Variants in TNIP1 observed in about 807,000 individuals in gnomAD.
TNIP1 encodes the protein TNFAIP3-interacting protein 1.
TNIP1 carries 22 observed loss-of-function variants against 86.6 expected under a neutral mutation model. The ratio of observed to expected loss-of-function variants is 0.25; its 90% CI spans 0.18 to 0.36. The LOEUF is 0.36. Among genes scored for constraint, TNIP1 ranks in the 10% least tolerant of loss-of-function variants. The pLI is 1.00. For missense variants in TNIP1, 709 were observed against 820.6 expected (o/e 0.86, Z 1.66); for synonymous variants, 294 against 313.0 (o/e 0.94, Z 0.64).
chr5:151,062,344 T>G (rs1026694697), intron 3 of TNIP1, 132 bp from the exon 4 acceptor site: 1 of 803,904 alleles, frequency 1.2e-6, no homozygotes, highest in Non-Finnish European at 2.1e-6. Flanking sequence ...GAATGGGAGG[T>G]GGTCTCATCA....
At chr5:151,086,628 CAGAA>C (rs1251580482) in intron 1 of TNIP1, among the ~76,000 whole-genome samples, 7 of 152,212 alleles carry the variant, frequency 4.6e-5, no homozygotes, top group Admixed American at 6.5e-5. Flanking sequence ...TACACCCACA[CAGAA>C]AGACACATAC....
At chr5:151,050,666 T>C (rs1245457266) in intron 7 of TNIP1, among the ~76,000 whole-genome samples, 3 of 152,094 alleles carry the variant, frequency 2.0e-5, no homozygotes, top group African/African-American at 7.2e-5. Context: ...TAGGGTCTCG[T>C]TCTGTCACCC....
chr5:151,064,457 C>T (rs1468300543), intron 2 of TNIP1, among the ~76,000 whole-genome samples: 4 of 152,226 alleles, frequency 2.6e-5, no homozygotes, highest in East Asian at 1.9e-4. Flanking sequence ...CAGGGCCCGT[C>T]GGTCGTGTGG....
rs1367566202 is a variant in TNIP1, at chr5:151,030,121, G to A, written c.*592C>T. ...GCCCCTCGGCGGACGTGGCTGGCAT[G>A]GCCTTCTCCCATCTGTGATGGCTTC... is the stretch of plus-strand genomic sequence containing the variant. On this transcript the variant is annotated 3_prime_UTR_variant, in exon 18 of 18. Transcript: ENST00000521591. The A allele has an allele frequency of 2.8e-5, 13 of 456,770 alleles. No individual in the cohort carries two copies. Among genetic ancestry groups the A allele is most frequent in the Non-Finnish European group, 4.8e-5 (11 of 226,990 alleles). The allele number at this position is 456,770 out of a possible 1,614,324, so 28.3% of individuals were successfully genotyped here. A position where few individuals can be genotyped will look rare whatever the true frequency, so the allele number is the denominator to read the frequency against.
At chr5:151,067,784 G>A (rs1762407011) in intron 1 of TNIP1, among the ~76,000 whole-genome samples, 1 of 152,118 alleles carries the variant, frequency 6.6e-6, no homozygotes, top group African/African-American at 2.4e-5. Context: ...CCCCGACCCC[G>A]CCTCCTGCAA....
chr5:151,062,542 G>T (rs1328040364), intron 3 of TNIP1, among the ~76,000 whole-genome samples: 2 of 152,150 alleles, frequency 1.3e-5, no homozygotes, highest in Non-Finnish European at 2.9e-5. Flanking sequence ...TATTATCCCA[G>T]CCATTCTCAT....
chr5:151,068,476 G>A (rs1042741839), intron 1 of TNIP1, among the ~76,000 whole-genome samples: 1 of 152,202 alleles, frequency 6.6e-6, no homozygotes, highest in Non-Finnish European at 1.5e-5. Context: ...GGCTGCATTC[G>A]AACATGACGA....
At chr5:151,071,239 C>T (rs1405575434) in intron 1 of TNIP1, among the ~76,000 whole-genome samples, 1 of 152,190 alleles carries the variant, frequency 6.6e-6, no homozygotes, top group African/African-American at 2.4e-5. Flanking sequence ...CTGGCATCCT[C>T]ACCAACAAGG....
upstream of TNIP1, among the ~76,000 whole-genome samples, chr5:151,081,705 G>A (rs1387478900): frequency 6.6e-6 from 1 of 152,094 alleles, no homozygotes; most frequent in Non-Finnish European, 1.5e-5. Context: ...TAATATTTGA[G>A]TCACAAAAAG....
At position 151,046,073 on chromosome 5, in the gene TNIP1, ACCCAGCAGGACACCACTAACCAT is replaced by A. The variant is rs1183610362; in HGVS notation, c.847-146_847-124del. 5 of 753,488 alleles carry A rather than the reference ACCCAGCAGGACACCACTAACCAT, an allele frequency of 6.6e-6. No individual in the cohort carries two copies. In the East Asian group the frequency reaches 1.3e-4, roughly 20 times the overall value. 46.7% of individuals were successfully genotyped at this position (753,488 alleles called of 1,614,324 possible). On this transcript the variant is annotated intron_variant, in intron 8 of 17. Coordinates refer to ENST00000521591, the MANE Select transcript of TNIP1 (RefSeq NM_006058.5). The stretch of plus-strand genomic sequence containing the variant: ...AGCCCTCTGTCTCCCTATTCCTCCC[ACCCAGCAGGACACCACTAACCAT>A]CCCAGTCATGACTACGTCCCCTTCT...
chr5:151,065,120 G>A lies in TNIP1; in HGVS notation c.-25C>T, dbSNP rs1461292185. On this transcript the variant is annotated 5_prime_UTR_variant, in exon 2 of 18. Transcript: ENST00000521591. ...TGAGGGTAGCTCAGCCCCTGCCGTGGTGCCCGCCTGGCTGTAAGGACAACA... is the reference window on the plus strand; with the variant it reads ...TGAGGGTAGCTCAGCCCCTGCCGTGATGCCCGCCTGGCTGTAAGGACAACA... 6.2e-7 allele frequency: 1 copy of A among 1,606,706 alleles called. No homozygotes were observed. Among genetic ancestry groups the A allele is most frequent in the Non-Finnish European group, 8.5e-7 (1 of 1,176,338 alleles).
intron 1 of TNIP1, among the ~76,000 whole-genome samples, chr5:151,073,226 GA>G (rs1279821572): frequency 0.04 from 4,204 of 104,274 alleles, 57 homozygotes; most frequent in East Asian, 0.091. Context: ...CATCTCAAAA[GA>G]AAAAAAAAAA....
At chr5:151,072,956 T>C (rs1325015084) in intron 1 of TNIP1, among the ~76,000 whole-genome samples, 1 of 152,180 alleles carries the variant, frequency 6.6e-6, no homozygotes, top group Non-Finnish European at 1.5e-5. Flanking sequence ...GTGCGGTGGC[T>C]CATGCCTGTA....
At chr5:151,051,889 A>C (rs1759970231) in intron 7 of TNIP1, among the ~76,000 whole-genome samples, 1 of 152,112 alleles carries the variant, frequency 6.6e-6, no homozygotes, top group Non-Finnish European at 1.5e-5. Context: ...TTAACAGGGG[A>C]GAGAGGCAAG....
At chr5:151,037,853 C>T (rs150137139) in intron 12 of TNIP1, among the ~76,000 whole-genome samples, 430 of 152,278 alleles carry the variant, frequency 2.8e-3, no homozygotes, top group Non-Finnish European at 4.6e-3. Flanking sequence ...ACTGCAGGAC[C>T]GAGAGTAAAT....
chr5:151,046,900 A>C (rs913269671), intron 8 of TNIP1, among the ~76,000 whole-genome samples: 4 of 152,228 alleles, frequency 2.6e-5, no homozygotes, highest in Non-Finnish European at 5.9e-5. Context: ...TCCTTACAAA[A>C]GAATTCTGAT....
chr5:151,066,713 G>A (rs751522368), intron 1 of TNIP1, among the ~76,000 whole-genome samples: 6 of 152,196 alleles, frequency 3.9e-5, no homozygotes, highest in Non-Finnish European at 7.3e-5. Context: ...TTACAAGGGA[G>A]AAACTGAGGC....
At chr5:151,050,842 A>AT (rs1170025852) in intron 7 of TNIP1, among the ~76,000 whole-genome samples, 1 of 151,278 alleles carries the variant, frequency 6.6e-6, no homozygotes, top group Non-Finnish European at 1.5e-5. Flanking sequence ...TTTTTTTGGT[A>AT]TTTTTTGTTG....
At chr5:151,034,697 G>A (rs1757470721) in intron 15 of TNIP1, 1 of 410,790 alleles carries the variant, frequency 2.4e-6, no homozygotes, top group South Asian at 2.2e-5. Flanking sequence ...GGGCACGGAG[G>A]GCTGGAACAT....
Sources: allele counts gnomAD v4.1 joint callset (sites outside exome capture counted in the v4.1 genomes callset), GRCh38; gene constraint gnomAD v4.1.1; transcripts MANE v1.5; gene names NCBI Gene and HGNC (gene_info 2026-07-23, HGNC 2026-07-21).